Variants in TRPV1 observed in about 807,000 individuals in gnomAD.
TRPV1 encodes the protein transient receptor potential cation channel subfamily V member 1.
A neutral mutation model predicts 82.3 loss-of-function variants in TRPV1; 82 were observed. The observed-to-expected ratio is 1.00, with a 90% confidence interval of 0.83 to 1.20. The LOEUF is 1.20. Ranked by LOEUF, TRPV1 falls within the 50% of genes most tolerant of loss-of-function variation. The pLI is 0.00. For missense variants in TRPV1, 1,067 were observed against 1,096.8 expected, an observed-to-expected ratio of 0.97 and a Z score of 0.38; for synonymous variants, 515 against 467.7, an observed-to-expected ratio of 1.10 and a Z score of -1.30.
chr17:3,603,363 G>T (rs2075277556), intron 2 of TRPV1, among the ~76,000 whole-genome samples: 1 of 152,150 alleles, frequency 6.6e-6, no homozygotes, highest in Non-Finnish European at 1.5e-5. Context: ...GTGTTCCAGG[G>T]CAGGGACTGG....
At chr17:3,568,626 A>C (rs2074807104) in intron 16 of TRPV1, among the ~76,000 whole-genome samples, 1 of 152,210 alleles carries the variant, frequency 6.6e-6, no homozygotes, top group African/African-American at 2.4e-5. Context: ...CGTGCTGTCA[A>C]CGATCACAAA....
At chr17:3,582,053 G>A (rs1471306282) in intron 10 of TRPV1, among the ~76,000 whole-genome samples, 1 of 149,068 alleles carries the variant, frequency 6.7e-6, no homozygotes, top group Non-Finnish European at 1.5e-5. Flanking sequence ...AGCCGGGCGT[G>A]GTGGCGGGTG....
At chr17:3,577,020 T>C in intron 13 of TRPV1, 106 bp downstream of exon 13, 1 of 1,180,028 alleles carries the variant, frequency 8.5e-7, no homozygotes, top group Non-Finnish European at 1.2e-6. Context: ...CCTGCAGACA[T>C]GCACCTGCCT....
intron 14 of TRPV1, 104 bp downstream of exon 14, chr17:3,573,529 A>ACCACCC: frequency 4.8e-5 from 1 of 20,996 alleles, no homozygotes; most frequent in Non-Finnish European, 1.1e-4. Flanking sequence ...CTGGCCACAC[A>ACCACCC]CCGCCCCCAC....
intron 13 of TRPV1, among the ~76,000 whole-genome samples, chr17:3,575,538 G>GT (rs2074918744): frequency 6.6e-6 from 1 of 151,806 alleles, no homozygotes; most frequent in Non-Finnish European, 1.5e-5. Flanking sequence ...AGTGATTCAG[G>GT]TAAGACTCAT....
chr17:3,576,274 T>C (rs1001510804), intron 13 of TRPV1, among the ~76,000 whole-genome samples: 1 of 151,748 alleles, frequency 6.6e-6, no homozygotes, highest in Non-Finnish European at 1.5e-5. Context: ...TCCCAGCACT[T>C]TGGGAGGCCA....
intron 9 of TRPV1, chr17:3,585,227 C>T (rs1430097996): frequency 1.3e-5 from 2 of 153,108 alleles, no homozygotes; most frequent in African/African-American, 4.8e-5. Context: ...CTCAGCTCAT[C>T]ACAACCTCTG....
intron 9 of TRPV1, among the ~76,000 whole-genome samples, chr17:3,584,066 T>A (rs2075053110): frequency 6.6e-6 from 1 of 151,620 alleles, no homozygotes; most frequent in South Asian, 2.1e-4. Flanking sequence ...AGGTCGAGAG[T>A]TCGAGACCAG....
At chr17:3,574,323 G>C (rs2074901006) in intron 13 of TRPV1, among the ~76,000 whole-genome samples, 1 of 152,140 alleles carries the variant, frequency 6.6e-6, no homozygotes, top group Non-Finnish European at 1.5e-5. Context: ...GCCGCTCAGA[G>C]CAGAATGACC....
rs1368382665 is a variant in TRPV1, at chr17:3,583,353, G to C, written c.1461C>G (p.Tyr487Ter). 6.2e-7 allele frequency: 1 copy of C among 1,609,342 alleles called. No individual in the cohort carries two copies. The highest frequency in any genetic ancestry group is 2.2e-5 in the East Asian group (1 of 44,842). ...GAACGCTTACCCCTCGGAAAAAGAA[G>C]TAGACTCCTCCTAACACAGACAGGA... ...GEILSVLGGVYFFFRGIQYFL... is the reference protein window; with the variant it reads ...GEILSVLGGV The change falls in exon 10 of 17, where the codon TAC becomes TAG. Residue 487 changes from tyrosine (Y) to a stop codon, truncating the protein, a stop_gained. Transcript: ENST00000572705. LOFTEE classifies it high-confidence loss of function.
chr17:3,601,714 A>G (rs2075264609), intron 2 of TRPV1: 1 of 142,958 alleles, frequency 7.0e-6, no homozygotes, highest in African/African-American at 2.6e-5. Flanking sequence ...CTCCTGCCTC[A>G]CCCTCCCAAG....
In TRPV1 at chr17:3,589,776, C is replaced by T. The variant is rs200355689; in HGVS notation, c.1044+31G>A. On this transcript the variant is annotated intron_variant, in intron 7 of 16. Coordinates refer to ENST00000572705, the MANE Select transcript of TRPV1 (RefSeq NM_080704.4). ...CTCTCCCATGCCATCAGCCCCGCAC[C>T]GCACCAGCCTGAGCCGAAGCCCCCT... The T allele has an allele frequency of 2.9e-5, 46 of 1,586,224 alleles. No homozygotes were observed. The Middle Eastern group carries it at 5.1e-4, about 18-fold the overall frequency.
rs201558494 is a variant in TRPV1 at position 3,571,563 on chromosome 17, C to T, written c.2308G>A (p.Val770Ile). The T allele has an allele frequency of 5.8e-5, 93 of 1,611,502 alleles. No homozygotes were observed. Among genetic ancestry groups the T allele is most frequent in the Middle Eastern group, 4.9e-4 (3 of 6,082 alleles). The change falls in exon 16 of 17, where the codon GTC becomes ATC. Residue 770 changes from valine to isoleucine, a missense_variant. Val to Ile is a conservative substitution (Grantham distance 29). Coordinates refer to ENST00000572705, the MANE Select transcript of TRPV1 (RefSeq NM_080704.4). ...INEDPGNCEG[V>I]KRTLSFSLRS... The stretch of plus-strand genomic sequence containing the variant: ...AGGGAGAAGCTCAGGGTGCGCTTGA[C>T]GCCCTCACAGTTGCCCGGGTCTTCG...
chr17:3,568,887 C>T (rs161363), intron 16 of TRPV1, among the ~76,000 whole-genome samples: 143,370 of 152,244 alleles, frequency 0.94, 67,592 homozygotes, highest in Admixed American at 0.97. Flanking sequence ...ACTAAAAATA[C>T]AAAAATTAGC....
intron 13 of TRPV1, among the ~76,000 whole-genome samples, chr17:3,576,668 A>AAAAAAAAAATATATAT: frequency 2.6e-5 from 1 of 38,422 alleles, no homozygotes; most frequent in Admixed American, 4.5e-4. Context: ...AAAAAAAAAA[A>AAAAAAAAAATATATAT]ATATATATAT....
At chr17:3,601,900 G>A (rs543006313) in intron 2 of TRPV1, 1 of 152,126 alleles carries the variant, frequency 6.6e-6, no homozygotes, top group South Asian at 2.1e-4. Context: ...AACTCCAGAA[G>A]TGCTCACTTC....
At chr17:3,576,668 A>AAATATATATATATATAT in intron 13 of TRPV1, among the ~76,000 whole-genome samples, 1 of 38,426 alleles carries the variant, frequency 2.6e-5, no homozygotes, top group African/African-American at 7.3e-5. Context: ...AAAAAAAAAA[A>AAATATATATATATATAT]ATATATATAT....
chr17:3,566,704 G>C lies in TRPV1; in HGVS notation c.*111C>G, dbSNP rs1184075968. ...CACAGATTTGGGAACATGCTGGGCA[G>C]GCACAGACCAGGCCAGGCTGCTGAC... On this transcript the variant is annotated 3_prime_UTR_variant, in exon 17 of 17. Transcript: ENST00000572705. 1.3e-5 allele frequency: 18 copies of C among 1,358,098 alleles called. No homozygotes were observed. The highest frequency in any genetic ancestry group is 1.6e-5 in the Non-Finnish European group (16 of 1,001,530). 84.1% of individuals were successfully genotyped at this position (1,358,098 alleles called of 1,614,324 possible).
In TRPV1 at chr17:3,608,489, G is replaced by A. The variant is rs1195066434; in HGVS notation, c.-96C>T. 1 of 152,176 alleles carries A rather than the reference G, an allele frequency of 6.6e-6. No homozygotes were observed. The highest frequency in any genetic ancestry group is 1.5e-5 in the Non-Finnish European group (1 of 68,066). 9.4% of individuals were successfully genotyped at this position (152,176 alleles called of 1,614,324 possible). On this transcript the variant is annotated 5_prime_UTR_variant, in exon 2 of 17. Transcript: ENST00000572705. ...GACGACTAAGTGACTGACCGGCGGG[G>A]AGCATCTACGGCCTGGACGTGGGGA...
Sources: gnomAD v4.1 joint callset for allele counts (sites outside exome capture counted in the v4.1 genomes callset) on GRCh38, gnomAD v4.1.1 for gene constraint, MANE v1.5 for transcripts, NCBI Gene and HGNC (gene_info 2026-07-23, HGNC 2026-07-21) for gene names.